The following RANBP17 variants were observed in gnomAD, a reference collection of about 807,000 sequenced individuals.
The protein encoded by RANBP17 is ran-binding protein 17.
Under a neutral mutation model 141.2 loss-of-function variants are expected in RANBP17, and 158 were observed. The ratio of observed to expected loss-of-function variants is 1.12; its 90% CI spans 0.98 to 1.28. The LOEUF (loss-of-function observed/expected upper bound fraction) is 1.28. Among genes scored for constraint, RANBP17 ranks in the 50% most tolerant of loss-of-function variants. RANBP17 has a pLI of 0.00. For missense variants in RANBP17, 1,438 were observed against 1,290.7 expected (o/e 1.11, Z -1.75); for synonymous variants, 430 against 450.0 (o/e 0.96, Z 0.56).
chr5:171,260,704 G>A (rs144392146), intron 24 of RANBP17, among the ~76,000 whole-genome samples: 6 of 152,210 alleles, frequency 3.9e-5, no homozygotes, highest in Middle Eastern at 3.4e-3. Flanking sequence ...AACTTCACAT[G>A]TACACTATAA....
intron 12 of RANBP17, among the ~76,000 whole-genome samples, chr5:170,931,555 T>A (rs1773383214): frequency 6.6e-6 from 1 of 152,218 alleles, no homozygotes; most frequent in African/African-American, 2.4e-5. Flanking sequence ...AACATGTAAG[T>A]CTTTAATCCA....
intron 18 of RANBP17, among the ~76,000 whole-genome samples, chr5:171,192,230 G>A (rs1348175196): frequency 2.0e-5 from 3 of 152,138 alleles, no homozygotes; most frequent in Non-Finnish European, 2.9e-5. Flanking sequence ...GACATGGGGG[G>A]ATGGGGGAGT....
intron 22 of RANBP17, among the ~76,000 whole-genome samples, chr5:171,236,023 G>A (rs982398247): frequency 5.3e-5 from 8 of 151,914 alleles, no homozygotes; most frequent in Non-Finnish European, 1.2e-4. Flanking sequence ...TTTTTAATCT[G>A]AAAGGGAAAT....
At chr5:171,255,994 G>A (rs1765864663) in intron 24 of RANBP17, among the ~76,000 whole-genome samples, 2 of 152,178 alleles carry the variant, frequency 1.3e-5, no homozygotes, top group South Asian at 2.1e-4. Flanking sequence ...GAACCAGGAG[G>A]CTTGGGAATA....
At chr5:170,906,320 A>T (rs188110203) in intron 5 of RANBP17, among the ~76,000 whole-genome samples, 4 of 152,058 alleles carry the variant, frequency 2.6e-5, no homozygotes, top group Admixed American at 2.6e-4. Context: ...CATGGCCTTG[A>T]CGTTTATGAA....
chr5:171,083,882 G>A (rs1785426704), intron 14 of RANBP17, among the ~76,000 whole-genome samples: 1 of 151,754 alleles, frequency 6.6e-6, no homozygotes, highest in Non-Finnish European at 1.5e-5. Flanking sequence ...TGCCATGATC[G>A]TAAGGCCTCC....
chr5:171,162,850 T>C (rs1759445867), intron 14 of RANBP17, among the ~76,000 whole-genome samples: 1 of 152,146 alleles, frequency 6.6e-6, no homozygotes. Flanking sequence ...CCACAGGATG[T>C]GGAGCGAAGG....
chr5:171,257,258 A>G (rs1765959577), intron 24 of RANBP17, among the ~76,000 whole-genome samples: 2 of 152,262 alleles, frequency 1.3e-5, no homozygotes, highest in African/African-American at 4.8e-5. Flanking sequence ...AATTCAGTGT[A>G]CACAAATCAT....
intron 14 of RANBP17, among the ~76,000 whole-genome samples, chr5:170,988,864 A>G (rs1778326660): frequency 6.6e-6 from 1 of 151,738 alleles, no homozygotes; most frequent in South Asian, 2.1e-4. Context: ...ACTGGAAAAA[A>G]ATTAGCCAGG....
intron 1 of RANBP17, among the ~76,000 whole-genome samples, chr5:170,863,931 TG>T (rs1767028343): frequency 6.6e-6 from 1 of 152,208 alleles, no homozygotes; most frequent in African/African-American, 2.4e-5. Flanking sequence ...ACAGTTTTGT[TG>T]ACTAGAAAAA....
chr5:171,249,052 C>T (rs561592567), intron 24 of RANBP17, among the ~76,000 whole-genome samples: 12 of 152,302 alleles, frequency 7.9e-5, no homozygotes, highest in African/African-American at 2.9e-4. Context: ...CCATTGCCAC[C>T]ACTGGGCCTG....
Position 171,109,923 on chromosome 5 carries a change from G to A in RANBP17, c.1711-60207G>A, listed in dbSNP as rs73323423. Among the ~76,000 whole-genome samples the A allele has an allele frequency of 8.0e-3, 1,214 of 152,166 alleles. 14 individuals are homozygous for A. The highest frequency in any genetic ancestry group is 0.024 in the Middle Eastern group (7 of 294). ...ATAGGATAGAGTTTTAATAACTTGG[G>A]AAACTGTTACCTTAAAAGTTAAAAA... On this transcript the variant is annotated intron_variant, in intron 14 of 27. Transcript: ENST00000523189.
intron 14 of RANBP17, among the ~76,000 whole-genome samples, chr5:170,985,158 GAC>G (rs562988464): frequency 4.0e-5 from 6 of 150,356 alleles, no homozygotes; most frequent in South Asian, 2.1e-4. Context: ...TGCACACACA[GAC>G]ACACACACAC....
chr5:170,931,768 C>A (rs1370848128), intron 12 of RANBP17, among the ~76,000 whole-genome samples: 46 of 151,936 alleles, frequency 3.0e-4, no homozygotes, highest in Admixed American at 1.1e-3. Flanking sequence ...TGGTCTATAT[C>A]TCTGTTTTGG....
chr5:171,020,321 C>A (rs1204708296), intron 14 of RANBP17, among the ~76,000 whole-genome samples: 1 of 152,016 alleles, frequency 6.6e-6, no homozygotes, highest in Admixed American at 6.6e-5. Context: ...CTGAATATCC[C>A]TGTTAATTTT....
chr5:171,045,559 C>T (rs1389950581), intron 14 of RANBP17, among the ~76,000 whole-genome samples: 1 of 152,042 alleles, frequency 6.6e-6, no homozygotes, highest in East Asian at 1.9e-4. Flanking sequence ...ACTTAACAGA[C>T]TAATTGTCTT....
rs754056429 is a variant in RANBP17 at position 171,213,675 on chromosome 5, G to A, written c.2276G>A (p.Trp759Ter). The change falls in exon 21 of 28, where the codon TGG becomes TAG. Residue 759 changes from tryptophan to a stop codon, truncating the protein, a stop_gained. Coordinates refer to ENST00000523189, the MANE Select transcript of RANBP17 (RefSeq NM_022897.5). LOFTEE classifies it high-confidence loss of function. ...CTTCTTCAGAATGCTGTTGAACGGT[G>A]GTATGGAGAGCCAACATGTACAACT... ...LPLLQNAVER[W>*]YGEPTCTTPI... The A allele has an allele frequency of 9.9e-6, 16 of 1,613,696 alleles. No individual in the cohort carries two copies. Among genetic ancestry groups the A allele is most frequent in the Non-Finnish European group, 1.4e-5 (16 of 1,179,794 alleles).
intron 14 of RANBP17, among the ~76,000 whole-genome samples, chr5:171,126,933 C>T (rs897940164): frequency 6.6e-6 from 1 of 152,138 alleles, no homozygotes; most frequent in African/African-American, 2.4e-5. Flanking sequence ...GCTTTTCAGA[C>T]TATTTCAGAA....
chr5:171,297,774 T>C (rs1768906670), intron 27 of RANBP17, among the ~76,000 whole-genome samples: 1 of 151,902 alleles, frequency 6.6e-6, no homozygotes, highest in African/African-American at 2.4e-5. Context: ...GACTGACTTT[T>C]TTCCGTGTAC....
Sources: allele counts gnomAD v4.1 joint callset (sites outside exome capture counted in the v4.1 genomes callset), GRCh38; gene constraint gnomAD v4.1.1; transcripts MANE v1.5; gene names NCBI Gene and HGNC (gene_info 2026-07-23, HGNC 2026-07-21).